FOXP2: variants seen among roughly 807,000 people sequenced by gnomAD.
The protein encoded by FOXP2 is forkhead box protein P2.
FOXP2 carries 12 observed loss-of-function variants against 115.8 expected under a neutral mutation model. The observed-to-expected ratio is 0.10, with a 90% CI of 0.07 to 0.17. The LOEUF is 0.17. Among genes scored for constraint, FOXP2 ranks in the 10% least tolerant of loss-of-function variants. The pLI is 1.00. For missense variants in FOXP2, 629 were observed against 843.5 expected (o/e 0.75, Z 3.15); for synonymous variants, 328 against 297.7 (o/e 1.10, Z -1.05).
intron 1 of FOXP2, among the ~76,000 whole-genome samples, chr7:114,244,434 C>A (rs1403837903): frequency 1.3e-5 from 2 of 152,130 alleles, no homozygotes; most frequent in African/African-American, 4.8e-5. Flanking sequence ...TACCCTCTTA[C>A]CCCCAAAATT....
At chr7:114,090,818 T>A (rs930257665) in intron 1 of FOXP2, among the ~76,000 whole-genome samples, 1 of 151,752 alleles carries the variant, frequency 6.6e-6, no homozygotes, top group Non-Finnish European at 1.5e-5. Flanking sequence ...TGGAACTTTT[T>A]TTTTTTCATG....
chr7:114,526,490 A>AAC (rs1031979583), intron 2 of FOXP2, among the ~76,000 whole-genome samples: 1 of 142,296 alleles, frequency 7.0e-6, no homozygotes, highest in African/African-American at 2.9e-5. Flanking sequence ...AAAAAAAACA[A>AAC]AAAAAAAAAC....
At chr7:114,534,871 A>G (rs1029921499) in intron 3 of FOXP2, among the ~76,000 whole-genome samples, 165 bp downstream of exon 3, 2 of 151,904 alleles carry the variant, frequency 1.3e-5, no homozygotes, top group Admixed American at 6.6e-5. Context: ...AGGAGAAAAA[A>G]ATAATATTCT....
intron 3 of FOXP2, among the ~76,000 whole-genome samples, chr7:114,573,717 C>A (rs1801433914): frequency 6.6e-6 from 1 of 151,710 alleles, no homozygotes; most frequent in African/African-American, 2.4e-5. Context: ...TTAATTTTTA[C>A]TCTTCCTATC....
chr7:114,231,567 A>G (rs1287552561), intron 1 of FOXP2, among the ~76,000 whole-genome samples: 1 of 152,202 alleles, frequency 6.6e-6, no homozygotes, highest in African/African-American at 2.4e-5. Flanking sequence ...AAAATAATGT[A>G]TGATCTATTT....
chr7:114,417,871 T>G lies in FOXP2; in HGVS notation c.-11+2511T>G, dbSNP rs139925153. ...TATTTTCTTATAGCATTCTTACACT[T>G]GGAAATGATACTATGAAAGAAATAC... On this transcript the variant is annotated intron_variant, in intron 1 of 16. Coordinates refer to ENST00000350908, the MANE Select transcript of FOXP2 (RefSeq NM_014491.4). Among the ~76,000 whole-genome samples, 975 of 152,060 alleles carry G rather than the reference T, an allele frequency of 6.4e-3. 9 individuals are homozygous for G. Among genetic ancestry groups the G allele is most frequent in the African/African-American group, 0.022 (933 of 41,538 alleles).
At chr7:114,599,625 T>C (rs1444937714) in intron 3 of FOXP2, among the ~76,000 whole-genome samples, 1 of 152,156 alleles carries the variant, frequency 6.6e-6, no homozygotes, top group Non-Finnish European at 1.5e-5. Flanking sequence ...AATGTTCTTG[T>C]ATTTTAATGC....
intron 2 of FOXP2, among the ~76,000 whole-genome samples, chr7:114,427,477 G>C (rs1038787466): frequency 1.3e-4 from 20 of 151,328 alleles, no homozygotes; most frequent in African/African-American, 4.8e-4. Flanking sequence ...AACAGTGACA[G>C]AGAAAAGAAA....
intron 1 of FOXP2, among the ~76,000 whole-genome samples, chr7:114,145,014 C>A (rs968258938): frequency 1.3e-5 from 2 of 152,122 alleles, no homozygotes; most frequent in Non-Finnish European, 2.9e-5. Flanking sequence ...CCTTAAAATT[C>A]TTTGAACTAC....
In FOXP2 at chr7:114,415,132, A is replaced by G. The variant is rs766051237; in HGVS notation, c.-239A>G. ...GATTTGTTTTAATTACCAGCACAAA[A>G]TGCCATCAGTCTGGGACGTGATCGG... On this transcript the variant is annotated 5_prime_UTR_variant, in exon 1 of 17. The change abolishes an upstream ATG in the 5' untranslated region. Coordinates refer to ENST00000350908, the MANE Select transcript of FOXP2 (RefSeq NM_014491.4). The G allele has an allele frequency of 1.1e-5, 5 of 454,316 alleles. No homozygotes were observed. Among genetic ancestry groups the G allele is most frequent in the South Asian group, 7.8e-5 (5 of 64,476 alleles). The allele number at this position is 454,316 out of a possible 1,614,324, so 28.1% of individuals were successfully genotyped here.
chr7:114,638,547 A>C (rs1805348504), intron 6 of FOXP2, among the ~76,000 whole-genome samples: 1 of 152,186 alleles, frequency 6.6e-6, no homozygotes, highest in African/African-American at 2.4e-5. Context: ...ACATTTCATA[A>C]GTAGTTTTGT....
chr7:114,519,675 C>T (rs1354702366), intron 2 of FOXP2, among the ~76,000 whole-genome samples: 1 of 152,036 alleles, frequency 6.6e-6, no homozygotes, highest in East Asian at 1.9e-4. Flanking sequence ...CTATGCAGTT[C>T]TTAAATAGGT....
In FOXP2 at chr7:114,693,240, T is replaced by G; in HGVS notation, c.*3314T>G. 1 of 449,326 alleles carries G rather than the reference T, an allele frequency of 2.2e-6. No homozygotes were observed. Among genetic ancestry groups the G allele is most frequent in the Non-Finnish European group, 4.5e-6 (1 of 223,882 alleles). 27.8% of individuals were successfully genotyped at this position (449,326 alleles called of 1,614,324 possible). On this transcript the variant is annotated 3_prime_UTR_variant, in exon 17 of 17. Transcript: ENST00000350908. Reference sequence around the variant, plus strand: ...AGATAACTCAGATATGGAGAAAATGTCATCAGCATTCTGTGTCTACAGCTG... The same window carrying G: ...AGATAACTCAGATATGGAGAAAATGGCATCAGCATTCTGTGTCTACAGCTG...
At chr7:114,687,793 C>T (rs763625895) in intron 16 of FOXP2, among the ~76,000 whole-genome samples, 15 of 152,178 alleles carry the variant, frequency 9.9e-5, no homozygotes, top group Middle Eastern at 3.2e-3. Context: ...AATAAATTTA[C>T]ATCCCTAGGT....
chr7:114,158,623 AT>A (rs1238942398), upstream of FOXP2, among the ~76,000 whole-genome samples: 6 of 152,120 alleles, frequency 3.9e-5, no homozygotes, highest in Admixed American at 1.3e-4. Context: ...GTCTTTAGGT[AT>A]TTTATTTTGT....
intron 1 of FOXP2, among the ~76,000 whole-genome samples, chr7:114,276,997 A>T (rs776187622): frequency 6.6e-6 from 1 of 152,172 alleles, no homozygotes; most frequent in Non-Finnish European, 1.5e-5. Context: ...TTAATGTCTG[A>T]AATGGTATAT....
chr7:114,124,045 T>A (rs538792554), intron 1 of FOXP2, among the ~76,000 whole-genome samples: 131 of 152,222 alleles, frequency 8.6e-4, no homozygotes, highest in Middle Eastern at 3.4e-3. Context: ...TTTCCTTTTA[T>A]GGGTTTCTTT....
At chr7:114,184,803 G>A (rs1365586721) in intron 1 of FOXP2, among the ~76,000 whole-genome samples, 1 of 152,070 alleles carries the variant, frequency 6.6e-6, no homozygotes, top group Non-Finnish European at 1.5e-5. Context: ...CTGTTTTTCC[G>A]TTTGCAACAT....
intron 1 of FOXP2, among the ~76,000 whole-genome samples, chr7:114,199,948 A>G (rs1347824600): frequency 6.6e-6 from 1 of 152,226 alleles, no homozygotes; most frequent in East Asian, 1.9e-4. Flanking sequence ...TATATCAAAT[A>G]AAGATTTTTA....
Sources: gnomAD v4.1 joint callset for allele counts (sites outside exome capture counted in the v4.1 genomes callset) on GRCh38, gnomAD v4.1.1 for gene constraint, MANE v1.5 for transcripts, NCBI Gene and HGNC (gene_info 2026-07-23, HGNC 2026-07-21) for gene names.